CACNA2D3: variants seen among roughly 807,000 people sequenced by gnomAD.
CACNA2D3 encodes the protein calcium voltage-gated channel auxiliary subunit alpha2delta 3.
In CACNA2D3, 60 loss-of-function variants were observed where a neutral mutation model predicts 160.6. The ratio of observed to expected loss-of-function variants is 0.37; its 90% confidence interval spans 0.30 to 0.46. The LOEUF is 0.46. Among genes scored for constraint, CACNA2D3 ranks in the 20% least tolerant of loss-of-function variants. CACNA2D3 has a pLI of 1.00. For synonymous variants in CACNA2D3, 558 were observed against 492.9 expected (o/e 1.13, Z -1.75); for missense variants, 1,205 against 1,365.0 (o/e 0.88, Z 1.85).
At chr3:54,562,753 C>A in intron 5 of CACNA2D3, 47 bp from the exon 6 acceptor site, 1 of 1,556,372 alleles carries the variant, frequency 6.4e-7, no homozygotes, top group Admixed American at 1.7e-5. Flanking sequence ...AATTTTATTT[C>A]ACTTTGGTTT....
intron 3 of CACNA2D3, among the ~76,000 whole-genome samples, chr3:54,346,896 T>C (rs1409208036): frequency 6.6e-6 from 1 of 152,222 alleles, no homozygotes; most frequent in Non-Finnish European, 1.5e-5. Flanking sequence ...TTTTAAATAA[T>C]TGGAATAAAA....
intron 11 of CACNA2D3, among the ~76,000 whole-genome samples, chr3:54,657,047 A>T (rs368893947): frequency 1.2e-4 from 17 of 147,786 alleles, no homozygotes; most frequent in African/African-American, 4.2e-4. Flanking sequence ...TTGGGTAGGT[A>T]AAGGAAAAAG....
intron 26 of CACNA2D3, 79 bp downstream of exon 26, chr3:54,896,949 T>G: frequency 6.3e-7 from 1 of 1,581,994 alleles, no homozygotes; most frequent in Non-Finnish European, 8.7e-7. Flanking sequence ...GTTGGGGAGC[T>G]GCCTGAATGC....
At chr3:54,992,867 G>A (rs1281838793) in intron 31 of CACNA2D3, among the ~76,000 whole-genome samples, 1 of 152,098 alleles carries the variant, frequency 6.6e-6, no homozygotes, top group Admixed American at 6.5e-5. Flanking sequence ...TCCACAGGCT[G>A]TACAGGAAGC....
chr3:54,426,805 A>G (rs934320872), intron 4 of CACNA2D3, among the ~76,000 whole-genome samples: 1 of 152,054 alleles, frequency 6.6e-6, no homozygotes, highest in Non-Finnish European at 1.5e-5. Context: ...TTTACAAAGT[A>G]ATTTGTAACC....
At chr3:54,314,501 G>GT (rs1703819220) in intron 2 of CACNA2D3, among the ~76,000 whole-genome samples, 1 of 152,168 alleles carries the variant, frequency 6.6e-6, no homozygotes, top group Non-Finnish European at 1.5e-5. Context: ...TATAGTGGTT[G>GT]TACTAGTTTA....
At chr3:54,664,074 A>T (rs1427100065) in intron 11 of CACNA2D3, among the ~76,000 whole-genome samples, 10 of 151,868 alleles carry the variant, frequency 6.6e-5, no homozygotes, top group Admixed American at 6.6e-4. Flanking sequence ...TCTTTCATTA[A>T]CTCCAGCTGT....
chr3:54,788,075 A>G (rs1702674734), intron 13 of CACNA2D3, among the ~76,000 whole-genome samples: 2 of 152,072 alleles, frequency 1.3e-5, no homozygotes, highest in Non-Finnish European at 2.9e-5. Context: ...TGTCCCCAAT[A>G]CTGTTACTGC....
chr3:54,766,628 AAT>A (rs1702229826), intron 13 of CACNA2D3, among the ~76,000 whole-genome samples: 1 of 152,168 alleles, frequency 6.6e-6, no homozygotes, highest in Admixed American at 6.5e-5. Flanking sequence ...ACATCACAAA[AAT>A]ATATGCACAA....
At chr3:54,401,312 G>A (rs1296421756) in intron 4 of CACNA2D3, among the ~76,000 whole-genome samples, 1 of 152,192 alleles carries the variant, frequency 6.6e-6, no homozygotes, top group African/African-American at 2.4e-5. Flanking sequence ...ACAGAGGTAG[G>A]AAGAGGAAGC....
At chr3:54,292,560 A>G (rs1703235354) in intron 2 of CACNA2D3, among the ~76,000 whole-genome samples, 2 of 152,208 alleles carry the variant, frequency 1.3e-5, no homozygotes, top group African/African-American at 4.8e-5. Flanking sequence ...AATGGCCAAT[A>G]AGTACATGAA....
chr3:54,537,161 G>T (rs1206818813), intron 5 of CACNA2D3, among the ~76,000 whole-genome samples: 1 of 152,090 alleles, frequency 6.6e-6, no homozygotes, highest in Non-Finnish European at 1.5e-5. Flanking sequence ...GAGACACACA[G>T]AGCAGAGGAT....
At chr3:54,566,627 T>C (rs1261666383) in intron 6 of CACNA2D3, among the ~76,000 whole-genome samples, 3 of 152,196 alleles carry the variant, frequency 2.0e-5, no homozygotes, top group African/African-American at 7.2e-5. Flanking sequence ...CACTGTCTAA[T>C]CAAACACAGG....
chr3:54,263,670 T>A (rs568329118), intron 2 of CACNA2D3, among the ~76,000 whole-genome samples: 23 of 152,296 alleles, frequency 1.5e-4, no homozygotes, highest in African/African-American at 5.5e-4. Context: ...TGTGGGTTTC[T>A]CAGTTTATTG....
At chr3:54,595,312 T>TGGTGTGTGTGTG (rs1702931790) in intron 9 of CACNA2D3, among the ~76,000 whole-genome samples, 5 of 141,410 alleles carry the variant, frequency 3.5e-5, no homozygotes, top group African/African-American at 1.1e-4. Flanking sequence ...TCTGTGTGTG[T>TGGTGTGTGTGTG]GGTGTGTGTG....
At chr3:54,773,731 T>C (rs779797855) in intron 13 of CACNA2D3, among the ~76,000 whole-genome samples, 6 of 152,230 alleles carry the variant, frequency 3.9e-5, no homozygotes, top group Admixed American at 1.3e-4. Flanking sequence ...TGATTTTTGG[T>C]ACCACTTATA....
At chr3:54,963,563 AT>A (rs1702080360) in intron 27 of CACNA2D3, among the ~76,000 whole-genome samples, 1 of 152,204 alleles carries the variant, frequency 6.6e-6, no homozygotes, top group Non-Finnish European at 1.5e-5. Flanking sequence ...ATGGCCACTA[AT>A]TTGGACAGCA....
chr3:54,908,178 A>G (rs1313115714), intron 27 of CACNA2D3, among the ~76,000 whole-genome samples: 2 of 152,244 alleles, frequency 1.3e-5, no homozygotes, highest in Non-Finnish European at 1.5e-5. Flanking sequence ...CACCAGCAAC[A>G]TATGAACATT....
chr3:54,523,682 C>G (rs1359286501), intron 5 of CACNA2D3, among the ~76,000 whole-genome samples: 1 of 152,022 alleles, frequency 6.6e-6, no homozygotes. Flanking sequence ...ATAATTCAAT[C>G]CCTTTACTCG....
Sources: allele counts gnomAD v4.1 joint callset (sites outside exome capture counted in the v4.1 genomes callset), GRCh38; gene constraint gnomAD v4.1.1; transcripts MANE v1.5; gene names NCBI Gene and HGNC (gene_info 2026-07-23, HGNC 2026-07-21).